Variants in ERC1 observed in about 807,000 individuals in gnomAD.
ERC1 encodes RAB6 interacting protein 2.
In ERC1, 56 loss-of-function variants were observed where a neutral mutation model predicts 132.0. The ratio of observed to expected loss-of-function variants is 0.42; its 90% confidence interval spans 0.34 to 0.53. The LOEUF (loss-of-function observed/expected upper bound fraction) is 0.53. Ranked by LOEUF, ERC1 falls within the 20% of genes least tolerant of loss-of-function variation. The pLI, the probability that ERC1 is intolerant of heterozygous loss-of-function variation, is 0.03. For synonymous variants in ERC1, 478 were observed against 476.1 expected, an observed-to-expected ratio of 1.00 and a Z score of -0.05; for missense variants, 1,202 against 1,349.9, an observed-to-expected ratio of 0.89 and a Z score of 1.72.
intron 8 of ERC1, among the ~76,000 whole-genome samples, chr12:1,168,639 C>A (rs1197682498): frequency 1.3e-5 from 2 of 151,946 alleles, no homozygotes; most frequent in Non-Finnish European, 2.9e-5. Context: ...TGCCCACCAC[C>A]ACACCCGGCT....
At chr12:1,259,155 C>A (rs1377557215) in intron 13 of ERC1, among the ~76,000 whole-genome samples, 1 of 152,046 alleles carries the variant, frequency 6.6e-6, no homozygotes, top group Non-Finnish European at 1.5e-5. Flanking sequence ...GAATAATAGT[C>A]ACTTCTCTTA....
intron 15 of ERC1, among the ~76,000 whole-genome samples, chr12:1,360,711 A>T (rs1401216353): frequency 6.6e-6 from 1 of 152,210 alleles, no homozygotes; most frequent in Non-Finnish European, 1.5e-5. Flanking sequence ...CCTGAAGAAT[A>T]TATCTTTCAT....
intron 15 of ERC1, among the ~76,000 whole-genome samples, chr12:1,301,771 A>G (rs888546507): frequency 4.6e-5 from 7 of 152,158 alleles, no homozygotes; most frequent in African/African-American, 4.8e-5. Context: ...ACTTCGTGAC[A>G]CAAGTTTACC....
chr12:1,439,980 A>G (rs73597976), intron 17 of ERC1, among the ~76,000 whole-genome samples: 2,660 of 152,250 alleles, frequency 0.017, 67 homozygotes, highest in African/African-American at 0.061. Flanking sequence ...GTTTTTTTAC[A>G]GATAGATTTG....
chr12:1,247,554 T>G (rs183193522), intron 13 of ERC1, among the ~76,000 whole-genome samples: 1 of 152,372 alleles, frequency 6.6e-6, no homozygotes, highest in East Asian at 1.9e-4. Context: ...GCCATCTCTT[T>G]GAAATAAGTA....
chr12:1,179,601 G>A (rs867817841), intron 8 of ERC1, among the ~76,000 whole-genome samples: 72 of 142,454 alleles, frequency 5.1e-4, no homozygotes, highest in African/African-American at 1.5e-3. Context: ...TCCGCCTCCC[G>A]GGTTCACGCC....
chr12:1,308,785 C>G (rs2081070946), intron 15 of ERC1, among the ~76,000 whole-genome samples: 1 of 152,186 alleles, frequency 6.6e-6, no homozygotes, highest in Non-Finnish European at 1.5e-5. Flanking sequence ...ACGCTAATTT[C>G]TGTGCAGAAC....
intron 7 of ERC1, among the ~76,000 whole-genome samples, chr12:1,135,611 A>G (rs547987587): frequency 6.6e-6 from 1 of 152,314 alleles, no homozygotes; most frequent in African/African-American, 2.4e-5. Flanking sequence ...TCTAAATGCA[A>G]TGACTGGAGT....
intron 1 of ERC1, among the ~76,000 whole-genome samples, chr12:1,023,617 T>C (rs1456178968): frequency 6.6e-6 from 1 of 152,212 alleles, no homozygotes; most frequent in Non-Finnish European, 1.5e-5. Flanking sequence ...GTTGTACATA[T>C]GTTATTTTAA....
intron 8 of ERC1, among the ~76,000 whole-genome samples, chr12:1,172,694 G>A (rs1286798330): frequency 6.6e-6 from 1 of 151,492 alleles, no homozygotes; most frequent in African/African-American, 2.4e-5. Flanking sequence ...CTATGTCAGG[G>A]AGAGTTTATA....
chr12:1,100,722 G>A (rs1944565027), intron 3 of ERC1, among the ~76,000 whole-genome samples: 1 of 152,196 alleles, frequency 6.6e-6, no homozygotes, highest in Non-Finnish European at 1.5e-5. Flanking sequence ...GGAAGGCCAG[G>A]AGGTCACTTG....
intron 16 of ERC1, among the ~76,000 whole-genome samples, chr12:1,402,556 C>A (rs2091158639): frequency 6.6e-6 from 1 of 150,660 alleles, no homozygotes; most frequent in African/African-American, 2.5e-5. Flanking sequence ...AAAGAAAGAA[C>A]AGTAATGAGC....
intron 1 of ERC1, among the ~76,000 whole-genome samples, chr12:1,017,845 C>G (rs1965765956): frequency 6.6e-6 from 1 of 152,138 alleles, no homozygotes; most frequent in Non-Finnish European, 1.5e-5. Flanking sequence ...CAAAATTCAT[C>G]TTAAGTGCTT....
intron 12 of ERC1, among the ~76,000 whole-genome samples, chr12:1,213,412 T>C (rs1958060037): frequency 6.6e-6 from 1 of 152,106 alleles, no homozygotes; most frequent in East Asian, 1.9e-4. Context: ...GTAGAAATAC[T>C]GTTGTAGAGT....
intron 15 of ERC1, among the ~76,000 whole-genome samples, chr12:1,344,264 A>G (rs1254886840): frequency 6.6e-6 from 1 of 152,198 alleles, no homozygotes; most frequent in East Asian, 1.9e-4. Flanking sequence ...TTATTTTTAA[A>G]AGATACCTGG....
intron 1 of ERC1, among the ~76,000 whole-genome samples, chr12:1,009,611 C>CT (rs1964352503): frequency 7.3e-5 from 2 of 27,318 alleles, no homozygotes; most frequent in Non-Finnish European, 1.5e-4. Flanking sequence ...GCATATAATA[C>CT]GTATTTCTTT....
chr12:1,068,995 A>T (rs771495257), intron 2 of ERC1, among the ~76,000 whole-genome samples: 6 of 152,200 alleles, frequency 3.9e-5, no homozygotes, highest in Non-Finnish European at 7.4e-5. Context: ...ATAAGGTCTT[A>T]TATTGAGAGG....
rs1565813213 is a variant in ERC1 at position 1,028,173 on chromosome 12, A to C, written c.270A>C (p.Thr90=). 1 of 1,614,056 alleles carries C rather than the reference A, an allele frequency of 6.2e-7. No individual in the cohort carries two copies. The highest frequency in any genetic ancestry group is 1.3e-5 in the African/African-American group (1 of 74,922). The stretch of plus-strand genomic sequence containing the variant: ...CAGAAACACCTAAAAGCACCATGAC[A>C]CTTGGCCGTTCTGGGGGACGTCTGC... ...VGSETPKSTM[T]LGRSGGRLPY... The change falls in exon 2 of 19, where the codon ACA becomes ACC. Residue 90 remains threonine, a synonymous_variant. Transcript: ENST00000360905.
chr12:1,228,498 A>G (rs2154298786), intron 12 of ERC1, among the ~76,000 whole-genome samples: 1 of 152,244 alleles, frequency 6.6e-6, no homozygotes, highest in South Asian at 2.1e-4. Flanking sequence ...GAGACAGTTT[A>G]TCTTGTATTT....
Sources: gnomAD v4.1 joint callset for allele counts (sites outside exome capture counted in the v4.1 genomes callset) on GRCh38, gnomAD v4.1.1 for gene constraint, MANE v1.5 for transcripts, NCBI Gene and HGNC (gene_info 2026-07-23, HGNC 2026-07-21) for gene names.